FOXC1: variants seen among roughly 807,000 people sequenced by gnomAD.
FOXC1 encodes the protein forkhead box protein C1.
A neutral mutation model predicts 8.1 loss-of-function variants in FOXC1; 5 were observed. The ratio of observed to expected loss-of-function variants is 0.62; its 90% CI spans 0.32 to 1.30. FOXC1 has a LOEUF of 1.30. FOXC1 is among the 50% of genes most tolerant of loss of function. The probability of loss-of-function intolerance (pLI) is 0.05; values close to 1 mark genes in which losing one functional copy is unlikely to be tolerated. For synonymous variants in FOXC1, 552 were observed against 417.2 expected, an observed-to-expected ratio of 1.32 and a Z score of -3.94; for missense variants, 942 against 858.0, an observed-to-expected ratio of 1.10 and a Z score of -1.22.
Position 1,612,370 on chromosome 6 carries a change from CAG to C in FOXC1, c.*267_*268del. On this transcript the variant is annotated 3_prime_UTR_variant, in exon 1 of 1. Coordinates refer to ENST00000645831, the MANE Select transcript of FOXC1 (RefSeq NM_001453.3). ...AAACAAACCCGTAAACTGTTTTATA[CAG>C]AGACAGCAAAATCTTGGTTTATTAA... 1.7e-6 allele frequency: 1 copy of C among 597,020 alleles called. No individual in the cohort carries two copies. Among genetic ancestry groups the C allele is most frequent in the East Asian group, 2.9e-5 (1 of 34,144 alleles). 37.0% of individuals were successfully genotyped at this position (597,020 alleles called of 1,614,324 possible).
At position 1,612,195 on chromosome 6, in the gene FOXC1, A is replaced by T. The variant is rs1461296707; in HGVS notation, c.*88A>T. 5.1e-6 allele frequency: 8 copies of T among 1,580,470 alleles called. No homozygotes were observed. The highest frequency in any genetic ancestry group is 6.0e-6 in the Non-Finnish European group (7 of 1,165,282). On this transcript the variant is annotated 3_prime_UTR_variant, in exon 1 of 1. Coordinates refer to ENST00000645831, the MANE Select transcript of FOXC1 (RefSeq NM_001453.3). The stretch of plus-strand genomic sequence containing the variant: ...GGCAAAATCGAAACTAAAAAAAAAA[A>T]ATCCAATTAAAAAAAACCCCTGAGA...
chr6:1,611,200 C>T lies in FOXC1; in HGVS notation c.755C>T (p.Ala252Val), dbSNP rs1259243589. Residue 252 changes from alanine to valine, a missense_variant, in exon 1 of 1, where the codon GCC becomes GTC. This residue lies in a region of FOXC1 where 726 missense variants were observed against 599.6 expected (regional missense o/e 1.21). Coordinates refer to ENST00000645831, the MANE Select transcript of FOXC1 (RefSeq NM_001453.3). This position sits in a 1 kb window ranked among gnomAD's most constrained non-coding sequence, Gnocchi z 7.1. Reference protein sequence around the residue: ...PAAALGSGSAAAVPKIESPDS... With the variant: ...PAAALGSGSAVAVPKIESPDS... ...GCCGCCCTGGGCAGCGGCAGCGCCG[C>T]CGCGGTGCCCAAGATCGAGAGCCCC... 6.8e-6 allele frequency: 10 copies of T among 1,459,992 alleles called. No individual in the cohort carries two copies. The highest frequency in any genetic ancestry group is 4.5e-5 in the Admixed American group (2 of 44,150). 90.4% of individuals were successfully genotyped at this position (1,459,992 alleles called of 1,614,324 possible).
chr6:1,611,813 C>A lies in FOXC1; in HGVS notation c.1368C>A (p.Gly456=), dbSNP rs1194727944. 6.7e-7 allele frequency: 1 copy of A among 1,486,160 alleles called. No homozygotes were observed. The highest frequency in any genetic ancestry group is 8.9e-7 in the Non-Finnish European group (1 of 1,122,878). 92.1% of individuals were successfully genotyped at this position (1,486,160 alleles called of 1,614,324 possible). The part of the protein sequence containing the change: ...HGGGGGGGGG[G]QEAGHHPAAH... The stretch of plus-strand genomic sequence containing the variant: ...GCGGCGGCGGCGGCGGCGGGGGAGG[C>A]CAGGAGGCCGGCCACCACCCTGCGG... The change falls in exon 1 of 1, where the codon GGC becomes GGA. Residue 456 remains glycine, a synonymous_variant. Coordinates refer to ENST00000645831, the MANE Select transcript of FOXC1 (RefSeq NM_001453.3). This position sits in a 1 kb window ranked among gnomAD's most constrained non-coding sequence, Gnocchi z 7.1.
Position 1,611,066 on chromosome 6 carries a change from G to A in FOXC1, c.621G>A (p.Glu207=). 1.4e-6 allele frequency: 2 copies of A among 1,452,520 alleles called. No individual in the cohort carries two copies. Among genetic ancestry groups the A allele is most frequent in the Non-Finnish European group, 1.8e-6 (2 of 1,101,610 alleles). The allele number at this position is 1,452,520 out of a possible 1,614,324, so 90.0% of individuals were successfully genotyped here. A position where few individuals can be genotyped will look rare whatever the true frequency, so the allele number is the denominator to read the frequency against. ...GCCAGCCCCCGCCCGCGCCGCCGGA[G>A]CAGGCCGACGGCAACGCGCCCGGTC... ...PGRQPPPAPP[E]QADGNAPGPQ... The change falls in exon 1 of 1, where the codon GAG becomes GAA. Residue 207 remains glutamate (E), a synonymous_variant. Coordinates refer to ENST00000645831, the MANE Select transcript of FOXC1 (RefSeq NM_001453.3). The surrounding 1 kb of genome is among the most constrained non-coding windows in gnomAD (Gnocchi z 7.1).
In FOXC1 at chr6:1,610,362, G is replaced by T; in HGVS notation, c.-84G>T. ...CACCAGCTCGGCCGGGCCCGGACTC[G>T]GACTCGGCGGCCGGCGCGGCGCGGC... On this transcript the variant is annotated 5_prime_UTR_variant, in exon 1 of 1. Transcript: ENST00000645831. 2 of 784,042 alleles carry T rather than the reference G, an allele frequency of 2.6e-6. No individual in the cohort carries two copies. The highest frequency in any genetic ancestry group is 3.1e-6 in the Non-Finnish European group (2 of 648,196). The allele number at this position is 784,042 out of a possible 1,614,324, so 48.6% of individuals were successfully genotyped here.
chr6:1,611,789 C>T lies in FOXC1; in HGVS notation c.1344C>T (p.Gly448=). The change falls in exon 1 of 1, where the codon GGC becomes GGT. Residue 448 remains glycine, a synonymous_variant. Coordinates refer to ENST00000645831, the MANE Select transcript of FOXC1 (RefSeq NM_001453.3). The surrounding 1 kb of genome is among the most constrained non-coding windows in gnomAD (Gnocchi z 7.1). Reference sequence around the variant, plus strand: ...GCTCGTCGTCCCTGAGTCACGGCGGCGGCGGCGGCGGCGGCGGGGGAGGCC... The same window carrying T: ...GCTCGTCGTCCCTGAGTCACGGCGGTGGCGGCGGCGGCGGCGGGGGAGGCC... ...SSSSSSLSHG[G]GGGGGGGGQE... 1 of 1,457,248 alleles carries T rather than the reference C, an allele frequency of 6.9e-7. No homozygotes were observed. The highest frequency in any genetic ancestry group is 9.0e-7 in the Non-Finnish European group (1 of 1,107,872). 90.3% of individuals were successfully genotyped at this position (1,457,248 alleles called of 1,614,324 possible).
chr6:1,611,921 G>A lies in FOXC1; in HGVS notation c.1476G>A (p.Ala492=). The change falls in exon 1 of 1, where the codon GCG becomes GCA. Residue 492 remains alanine, a synonymous_variant. Transcript: ENST00000645831. The surrounding 1 kb of genome is among the most constrained non-coding windows in gnomAD (Gnocchi z 7.1). Reference sequence around the variant, plus strand: ...ACTTGGCGAGCGCGGCGGCGGCGGCGGCGGCCGCAGGCTACCCGGGCCAGC... The same window carrying A: ...ACTTGGCGAGCGCGGCGGCGGCGGCAGCGGCCGCAGGCTACCCGGGCCAGC... The part of the protein sequence containing the change: ...LGHLASAAAA[A]AAAGYPGQQQ... 7.7e-6 allele frequency: 12 copies of A among 1,558,340 alleles called. No individual in the cohort carries two copies. The highest frequency in any genetic ancestry group is 1.0e-5 in the Non-Finnish European group (12 of 1,151,326).
Position 1,611,749 on chromosome 6 carries a change from C to T in FOXC1, c.1304C>T (p.Pro435Leu). ...CCCCTGCCCGACTACTCTCTGCCTC[C>T]GGTCACCAGCAGCAGCTCGTCGTCC... ...DDPLPDYSLP[P>L]VTSSSSSSLS... is the part of the protein sequence containing the mutation. The change falls in exon 1 of 1, where the codon CCG (proline) becomes CTG (leucine). Residue 435 changes from proline (P) to leucine (L), a missense_variant. Coordinates refer to ENST00000645831, the MANE Select transcript of FOXC1 (RefSeq NM_001453.3). The surrounding 1 kb of genome is among the most constrained non-coding windows in gnomAD (Gnocchi z 7.1). 2 of 1,472,274 alleles carry T rather than the reference C, an allele frequency of 1.4e-6. No homozygotes were observed. The highest frequency in any genetic ancestry group is 1.8e-6 in the Non-Finnish European group (2 of 1,118,606). 91.2% of individuals were successfully genotyped at this position (1,472,274 alleles called of 1,614,324 possible).
Position 1,611,167 on chromosome 6 carries a change from C to T in FOXC1, c.722C>T (p.Ser241Phe). The T allele has an allele frequency of 2.1e-6, 3 of 1,456,622 alleles. No individual in the cohort carries two copies. Among genetic ancestry groups the T allele is most frequent in the East Asian group, 3.1e-5 (1 of 32,116 alleles). The allele number at this position is 1,456,622 out of a possible 1,614,324, so 90.2% of individuals were successfully genotyped here. Reference protein sequence around the residue: ...GTCPSPPQPLSPAAALGSGSA... With the variant: ...GTCPSPPQPLFPAAALGSGSA... ...TGCCCCTCGCCGCCCCAGCCCCTGT[C>T]CCCGGCCGCCGCCCTGGGCAGCGGC... Residue 241 changes from serine to phenylalanine, a missense_variant, in exon 1 of 1, where the codon TCC (serine) becomes TTC (phenylalanine). Coordinates refer to ENST00000645831, the MANE Select transcript of FOXC1 (RefSeq NM_001453.3). The surrounding 1 kb of genome is among the most constrained non-coding windows in gnomAD (Gnocchi z 7.1).
Position 1,610,351 on chromosome 6 carries a change from G to A in FOXC1, c.-95G>A, listed in dbSNP as rs1229021275. On this transcript the variant is annotated 5_prime_UTR_variant, in exon 1 of 1. Coordinates refer to ENST00000645831, the MANE Select transcript of FOXC1 (RefSeq NM_001453.3). The stretch of plus-strand genomic sequence containing the variant: ...CAGCGGGCCGGCACCAGCTCGGCCG[G>A]GCCCGGACTCGGACTCGGCGGCCGG... 2.9e-6 allele frequency: 2 copies of A among 680,490 alleles called. No individual in the cohort carries two copies. Among genetic ancestry groups the A allele is most frequent in the Non-Finnish European group, 3.6e-6 (2 of 553,000 alleles). 42.2% of individuals were successfully genotyped at this position (680,490 alleles called of 1,614,324 possible). A position where few individuals can be genotyped will look rare whatever the true frequency, so the allele number is the denominator to read the frequency against.
At position 1,610,998 on chromosome 6, in the gene FOXC1, G is replaced by C. The variant is rs745623418; in HGVS notation, c.553G>C (p.Glu185Gln). The C allele has an allele frequency of 1.9e-6, 3 of 1,611,026 alleles. No individual in the cohort carries two copies. In the Admixed American group the frequency reaches 5.0e-5, roughly 27 times the overall value. ...GAAGGACGCGGTGAAGGACAAGGAG[G>C]AGAAGGACAGGCTGCACCTCAAGGA... ...KKKDAVKDKEEKDRLHLKEPP... is the reference protein window; with the variant it reads ...KKKDAVKDKEQKDRLHLKEPP... The change falls in exon 1 of 1, where the codon GAG becomes CAG. Residue 185 changes from glutamate (E) to glutamine (Q), a missense_variant. Physicochemically the swap from Glu to Gln is conservative, Grantham distance 29. Around this residue, in one of 4 missense-constraint regions of FOXC1, gnomAD observed 726 missense variants for 599.6 expected, o/e 1.21. Coordinates refer to ENST00000645831, the MANE Select transcript of FOXC1 (RefSeq NM_001453.3).
Position 1,612,322 on chromosome 6 carries a change from C to T in FOXC1, c.*215C>T, listed in dbSNP as rs959454603. 2 of 706,196 alleles carry T rather than the reference C, an allele frequency of 2.8e-6. No individual in the cohort carries two copies. The highest frequency in any genetic ancestry group is 5.8e-5 in the Admixed American group (2 of 34,476). The allele number at this position is 706,196 out of a possible 1,614,324, so 43.7% of individuals were successfully genotyped here. Reference sequence around the variant, plus strand: ...TTCTTAACCGATTAATTCAGAGCCACCTCCACTTTGCCTTGTCTAAATAAA... The same window carrying T: ...TTCTTAACCGATTAATTCAGAGCCATCTCCACTTTGCCTTGTCTAAATAAA... On this transcript the variant is annotated 3_prime_UTR_variant, in exon 1 of 1. Coordinates refer to ENST00000645831, the MANE Select transcript of FOXC1 (RefSeq NM_001453.3).
chr6:1,611,850 C>A lies in FOXC1; in HGVS notation c.1405C>A (p.Arg469Ser), dbSNP rs749942967. Residue 469 changes from arginine to serine, a missense_variant, in exon 1 of 1, where the codon CGC becomes AGC. This residue lies in a region of FOXC1 where 726 missense variants were observed against 599.6 expected (regional missense o/e 1.21). Transcript: ENST00000645831. The surrounding 1 kb of genome is among the most constrained non-coding windows in gnomAD (Gnocchi z 7.1). ...CCACCACCCTGCGGCCCACCAAGGC[C>A]GCCTCACCTCGTGGTACCTGAACCA... is the stretch of plus-strand genomic sequence containing the variant. ...AGHHPAAHQG[R>S]LTSWYLNQAG... The A allele has an allele frequency of 6.5e-7, 1 of 1,537,990 alleles. No individual in the cohort carries two copies. Among genetic ancestry groups the A allele is most frequent in the East Asian group, 2.5e-5 (1 of 40,424 alleles).
Position 1,612,235 on chromosome 6 carries a change from A to G in FOXC1, c.*128A>G. 6 of 1,408,428 alleles carry G rather than the reference A, an allele frequency of 4.3e-6. No homozygotes were observed. Among genetic ancestry groups the G allele is most frequent in the Non-Finnish European group, 4.8e-6 (5 of 1,031,154 alleles). The allele number at this position is 1,408,428 out of a possible 1,614,324, so 87.2% of individuals were successfully genotyped here. A position where few individuals can be genotyped will look rare whatever the true frequency, so the allele number is the denominator to read the frequency against. The stretch of plus-strand genomic sequence containing the variant: ...AACCCCTGAGAATATTCACCACACC[A>G]GCGAACAGAATATCCCTCCAAAAAT... On this transcript the variant is annotated 3_prime_UTR_variant, in exon 1 of 1. Coordinates refer to ENST00000645831, the MANE Select transcript of FOXC1 (RefSeq NM_001453.3).
rs994255163 is a variant in FOXC1, at chr6:1,612,731, G to A, written c.*624G>A. ...TGCTTTTTTTCTCATTATAAAAAGG[G>A]AAACTGTATTAATCTTATTCTATCC... On this transcript the variant is annotated 3_prime_UTR_variant, in exon 1 of 1. Coordinates refer to ENST00000645831, the MANE Select transcript of FOXC1 (RefSeq NM_001453.3). The A allele has an allele frequency of 9.1e-6, 2 of 218,770 alleles. No homozygotes were observed. Among genetic ancestry groups the A allele is most frequent in the Non-Finnish European group, 2.0e-5 (2 of 99,756 alleles). The allele number at this position is 218,770 out of a possible 1,614,324, so 13.6% of individuals were successfully genotyped here.
rs1476699724 is a variant in FOXC1 at position 1,611,223 on chromosome 6, C to G, written c.778C>G (p.Pro260Ala). The G allele has an allele frequency of 5.5e-6, 8 of 1,456,424 alleles. No individual in the cohort carries two copies. The highest frequency in any genetic ancestry group is 6.3e-6 in the Non-Finnish European group (7 of 1,105,008). 90.2% of individuals were successfully genotyped at this position (1,456,424 alleles called of 1,614,324 possible). Reference sequence around the variant, plus strand: ...CGCCGCGGTGCCCAAGATCGAGAGCCCCGACAGCAGCAGCAGCAGCCTGTC... The same window carrying G: ...CGCCGCGGTGCCCAAGATCGAGAGCGCCGACAGCAGCAGCAGCAGCCTGTC... ...SAAAVPKIES[P>A]DSSSSSLSSG... The change falls in exon 1 of 1, where the codon CCC becomes GCC. Residue 260 changes from proline to alanine, a missense_variant. Transcript: ENST00000645831. The surrounding 1 kb of genome is among the most constrained non-coding windows in gnomAD (Gnocchi z 7.1).
In FOXC1 at chr6:1,611,398, G is replaced by C; in HGVS notation, c.953G>C (p.Arg318Pro). The C allele has an allele frequency of 6.9e-7, 1 of 1,450,340 alleles. No homozygotes were observed. The highest frequency in any genetic ancestry group is 1.3e-5 in the South Asian group (1 of 76,988). 89.8% of individuals were successfully genotyped at this position (1,450,340 alleles called of 1,614,324 possible). ...GTGGACAACATCATGACGTCGCTGC[G>C]GGGGTCGCCGCAGAGCGCGGCCGCG... ...FSVDNIMTSL[R>P]GSPQSAAAEL... Residue 318 changes from arginine to proline, a missense_variant, in exon 1 of 1, where the codon CGG (arginine) becomes CCG (proline). Around this residue, in one of 4 missense-constraint regions of FOXC1, gnomAD observed 726 missense variants for 599.6 expected, o/e 1.21. Transcript: ENST00000645831. The surrounding 1 kb of genome is among the most constrained non-coding windows in gnomAD (Gnocchi z 7.1).
At position 1,612,005 on chromosome 6, in the gene FOXC1, C is replaced by T; in HGVS notation, c.1560C>T (p.Asn520=). 6.2e-7 allele frequency: 1 copy of T among 1,609,516 alleles called. No homozygotes were observed. The highest frequency in any genetic ancestry group is 1.1e-5 in the South Asian group (1 of 90,336). Residue 520 remains asparagine, a synonymous_variant, in exon 1 of 1, where the codon AAC becomes AAT. Coordinates refer to ENST00000645831, the MANE Select transcript of FOXC1 (RefSeq NM_001453.3). ...AGTCACAGAGGATCGGCTTGAACAA[C>T]TCTCCAGTGAACGGGAATAGTAGCT... is the stretch of plus-strand genomic sequence containing the variant. ...MFESQRIGLN[N]SPVNGNSSCQ...
chr6:1,612,269 C>T lies in FOXC1; in HGVS notation c.*162C>T. Reference sequence around the variant, plus strand: ...AATATCCCTCCAAAAATTCAGCTCACCAGCACCAGCACGAAGAAAACTCTA... The same window carrying T: ...AATATCCCTCCAAAAATTCAGCTCATCAGCACCAGCACGAAGAAAACTCTA... On this transcript the variant is annotated 3_prime_UTR_variant, in exon 1 of 1. Coordinates refer to ENST00000645831, the MANE Select transcript of FOXC1 (RefSeq NM_001453.3). 1 of 1,024,336 alleles carries T rather than the reference C, an allele frequency of 9.8e-7. No homozygotes were observed. Among genetic ancestry groups the T allele is most frequent in the Non-Finnish European group, 1.4e-6 (1 of 696,272 alleles). The allele number at this position is 1,024,336 out of a possible 1,614,324, so 63.5% of individuals were successfully genotyped here.
Sources: gnomAD v4.1 joint callset for allele counts on GRCh38, gnomAD v4.1.1 for gene constraint, gnomAD v4.1.1 regional missense constraint, Gnocchi (gnomAD v3.1) non-coding constraint, MANE v1.5 for transcripts, NCBI Gene and HGNC (gene_info 2026-07-23, HGNC 2026-07-21) for gene names.